TBPL1: variants seen among roughly 807,000 people sequenced by gnomAD.
The protein encoded by TBPL1 is TATA-box binding protein like 1.
TBPL1 carries 4 observed loss-of-function variants against 22.1 expected under a neutral mutation model. The ratio of observed to expected loss-of-function variants is 0.18; its 90% CI spans 0.09 to 0.41. The LOEUF is 0.41. Ranked by LOEUF, TBPL1 falls within the 10% of genes least tolerant of loss-of-function variation. The pLI, the probability that TBPL1 is intolerant of heterozygous loss-of-function variation, is 1.00. For missense variants in TBPL1, 115 were observed against 222.3 expected, an observed-to-expected ratio of 0.52 and a Z score of 3.07; for synonymous variants, 64 against 71.0, an observed-to-expected ratio of 0.90 and a Z score of 0.50.
chr6:133,952,655 T>A (rs566955159), upstream of TBPL1: 1 of 152,264 alleles, frequency 6.6e-6, no homozygotes, highest in East Asian at 1.9e-4. This position sits in a 1 kb window ranked among gnomAD's most constrained non-coding sequence, Gnocchi z 4.5. Context: ...TATCGCGACA[T>A]CATAAATTAA....
At position 133,990,271 on chromosome 6, in the gene TBPL1, A is replaced by G. The variant is rs969004236; in HGVS notation, c.*3231A>G. The G allele has an allele frequency of 3.9e-5, 6 of 152,664 alleles. No homozygotes were observed. Among genetic ancestry groups the G allele is most frequent in the African/African-American group, 1.4e-4 (6 of 41,466 alleles). 9.5% of individuals were successfully genotyped at this position (152,664 alleles called of 1,614,324 possible). ...AATTGGACACTGTGGATTACTATAC[A>G]TTGTCATGAAAGCCTTACAAGGAGG... On this transcript the variant is annotated 3_prime_UTR_variant, in exon 7 of 7. Transcript: ENST00000237264.
At chr6:133,971,201 T>G (rs1298701026) in intron 1 of TBPL1, among the ~76,000 whole-genome samples, 1 of 152,148 alleles carries the variant, frequency 6.6e-6, no homozygotes, top group African/African-American at 2.4e-5. Flanking sequence ...AATTTGTCTT[T>G]CTGTGTCTGG....
At position 133,977,830 on chromosome 6, in the gene TBPL1, C is replaced by T. The variant is rs142015896; in HGVS notation, c.-44-2252C>T. ...TCTACCATCCTCATCCTCATTGTCT[C>T]GTGGTGCAAAATTGGCTACTTGAGC... is the stretch of plus-strand genomic sequence containing the variant. On this transcript the variant is annotated intron_variant, in intron 1 of 6. Transcript: ENST00000237264. Among the ~76,000 whole-genome samples the T allele has an allele frequency of 6.5e-3, 985 of 152,266 alleles. 17 individuals carry two copies. The highest frequency in any genetic ancestry group is 0.022 in the African/African-American group (929 of 41,550).
intron 1 of TBPL1, among the ~76,000 whole-genome samples, chr6:133,959,288 T>A (rs1775979021): frequency 6.6e-6 from 1 of 152,050 alleles, no homozygotes; most frequent in Non-Finnish European, 1.5e-5. Flanking sequence ...GATCTGCCTG[T>A]CTCAGCCTCC....
At chr6:133,956,986 G>A (rs1029781479) in intron 1 of TBPL1, among the ~76,000 whole-genome samples, 5 of 152,146 alleles carry the variant, frequency 3.3e-5, no homozygotes, top group South Asian at 2.1e-4. Flanking sequence ...GAAGACAGAT[G>A]GAGTTTGTGT....
At chr6:133,979,943 G>C in intron 1 of TBPL1, 139 bp from the exon 2 acceptor site, 1 of 651,632 alleles carries the variant, frequency 1.5e-6, no homozygotes, top group Non-Finnish European at 2.2e-6. Flanking sequence ...CACTGTGCCC[G>C]GCCAGGGACA....
At chr6:133,961,368 C>T (rs1272527201) in intron 1 of TBPL1, among the ~76,000 whole-genome samples, 1 of 151,926 alleles carries the variant, frequency 6.6e-6, no homozygotes, top group Non-Finnish European at 1.5e-5. Flanking sequence ...CAGTACCATT[C>T]ATTTGCTGTG....
At chr6:133,955,813 A>G (rs568060892) in intron 1 of TBPL1, among the ~76,000 whole-genome samples, 15 of 152,358 alleles carry the variant, frequency 9.8e-5, no homozygotes, top group Admixed American at 6.5e-4. Context: ...CTTAAAATCA[A>G]TCTTGACTGA....
intron 1 of TBPL1, among the ~76,000 whole-genome samples, chr6:133,977,214 A>G (rs1776330164): frequency 6.6e-6 from 1 of 152,236 alleles, no homozygotes; most frequent in East Asian, 1.9e-4. Context: ...GACTTTTTAT[A>G]TTGCATCTTT....
chr6:133,957,287 G>A (rs1426503031), intron 1 of TBPL1, among the ~76,000 whole-genome samples: 1 of 152,188 alleles, frequency 6.6e-6, no homozygotes, highest in Non-Finnish European at 1.5e-5. Context: ...TTGGCTGTTG[G>A]TTACTTTCAC....
intron 1 of TBPL1, among the ~76,000 whole-genome samples, chr6:133,960,052 G>A (rs889685629): frequency 6.6e-6 from 1 of 152,158 alleles, no homozygotes; most frequent in Admixed American, 6.5e-5. Flanking sequence ...ACCTACTTAT[G>A]GCTGCAGTGT....
rs575940200 is a variant in TBPL1, at chr6:133,966,666, C to G, written c.-45+13241C>G. Reference sequence around the variant, plus strand: ...CTGCCCTGCAAACCTGCCCTTTCTCCAGTGTTTCCTATCTTAGTAAATAGT... The same window carrying G: ...CTGCCCTGCAAACCTGCCCTTTCTCGAGTGTTTCCTATCTTAGTAAATAGT... On this transcript the variant is annotated intron_variant, in intron 1 of 6. Transcript: ENST00000237264. Among the ~76,000 whole-genome samples, 7 of 152,278 alleles carry G rather than the reference C, an allele frequency of 4.6e-5. No individual in the cohort carries two copies. The South Asian group carries it at 1.4e-3, about 32-fold the overall frequency.
At chr6:133,953,810 G>A (rs1331855263) in intron 1 of TBPL1, among the ~76,000 whole-genome samples, 1 of 152,148 alleles carries the variant, frequency 6.6e-6, no homozygotes, top group Non-Finnish European at 1.5e-5. Context: ...CATCACCCAG[G>A]GGAAGAGGGA....
intron 1 of TBPL1, among the ~76,000 whole-genome samples, chr6:133,967,978 G>A (rs72982270): frequency 0.025 from 3,776 of 151,420 alleles, 75 homozygotes; most frequent in African/African-American, 0.052. Context: ...GAAAAAAGCA[G>A]TTATCACTGT....
Position 133,980,342 on chromosome 6 carries a change from C to T in TBPL1, c.135+82C>T, listed in dbSNP as rs1001586307. ...CTAATACTAAAATGTATTCATTCTACAGATAGTTTATGAGCACCTTACCAT... is the reference window on the plus strand; with the variant it reads ...CTAATACTAAAATGTATTCATTCTATAGATAGTTTATGAGCACCTTACCAT... On this transcript the variant is annotated intron_variant, in intron 2 of 6. Transcript: ENST00000237264. 2.1e-6 allele frequency: 3 copies of T among 1,431,446 alleles called. No individual in the cohort carries two copies. The African/African-American group carries it at 4.4e-5, about 21-fold the overall frequency. The allele number at this position is 1,431,446 out of a possible 1,614,324, so 88.7% of individuals were successfully genotyped here. A position where few individuals can be genotyped will look rare whatever the true frequency, so the allele number is the denominator to read the frequency against.
intron 2 of TBPL1, among the ~76,000 whole-genome samples, chr6:133,980,905 A>G (rs1238953937): frequency 6.6e-6 from 1 of 151,026 alleles, no homozygotes; most frequent in Non-Finnish European, 1.5e-5. Context: ...TCAAGGCTCT[A>G]TTTAGCTTTA....
chr6:133,959,871 A>G (rs1333662430), intron 1 of TBPL1, among the ~76,000 whole-genome samples: 2 of 152,248 alleles, frequency 1.3e-5, no homozygotes, highest in African/African-American at 4.8e-5. Context: ...GTGTAACCCA[A>G]AAGTGCAAAT....
rs1776585707 is a variant in TBPL1 at position 133,989,288 on chromosome 6, G to A, written c.*2248G>A. The A allele has an allele frequency of 6.6e-6, 1 of 152,050 alleles. No homozygotes were observed. Among genetic ancestry groups the A allele is most frequent in the African/African-American group, 2.4e-5 (1 of 41,394 alleles). 9.4% of individuals were successfully genotyped at this position (152,050 alleles called of 1,614,324 possible). On this transcript the variant is annotated 3_prime_UTR_variant, in exon 7 of 7. Transcript: ENST00000237264. ...ATCAAGAAGCTTGATTTGGTGTGGT[G>A]CAATGGATATTGGATAAAAATTTGA...
intron 1 of TBPL1, among the ~76,000 whole-genome samples, chr6:133,971,499 T>G (rs1185951487): frequency 6.6e-6 from 1 of 152,194 alleles, no homozygotes; most frequent in Non-Finnish European, 1.5e-5. Flanking sequence ...TACTGTTTTC[T>G]ATAATGGCTA....
Sources: gnomAD v4.1 joint callset for allele counts (sites outside exome capture counted in the v4.1 genomes callset) on GRCh38, gnomAD v4.1.1 for gene constraint, Gnocchi (gnomAD v3.1) non-coding constraint, MANE v1.5 for transcripts, NCBI Gene and HGNC (gene_info 2026-07-23, HGNC 2026-07-21) for gene names.